ANKS1B: variants seen among roughly 807,000 people sequenced by gnomAD.
ANKS1B encodes ankyrin repeat and sterile alpha motif domain containing 1B, also known as ankyrin repeat and sterile alpha motif domain-containing protein 1B.
In ANKS1B, 36 loss-of-function variants were observed where a neutral mutation model predicts 148.3. The ratio of observed to expected loss-of-function variants is 0.24; its 90% CI spans 0.19 to 0.32. The LOEUF (loss-of-function observed/expected upper bound fraction) is 0.32. Among genes scored for constraint, ANKS1B ranks in the 10% least tolerant of loss-of-function variants. ANKS1B has a pLI of 1.00. For missense variants in ANKS1B, 1,157 were observed against 1,542.6 expected (o/e 0.75, Z 4.19); for synonymous variants, 542 against 560.8 (o/e 0.97, Z 0.47).
chr12:99,975,623 G>C (rs2153837838), intron 1 of ANKS1B, among the ~76,000 whole-genome samples: 1 of 152,224 alleles, frequency 6.6e-6, no homozygotes, highest in South Asian at 2.1e-4. Flanking sequence ...GTCTTCTTTT[G>C]AGAAATGTCT....
rs7138761 is a variant in ANKS1B at position 99,403,203 on chromosome 12, C to G, written c.1576-3392G>C. 7.5e-3 allele frequency among the ~76,000 whole-genome samples: 826 copies of G among 110,578 alleles called. 73 individuals are homozygous for G. The highest frequency in any genetic ancestry group is 0.031 in the African/African-American group (796 of 25,798). The allele number at this position is 110,578 out of a possible 152,430, so 72.5% of individuals were successfully genotyped here. A position where few individuals can be genotyped will look rare whatever the true frequency, so the allele number is the denominator to read the frequency against. On this transcript the variant is annotated intron_variant, in intron 11 of 26. Coordinates refer to ENST00000683438, the MANE Select transcript of ANKS1B (RefSeq NM_001352186.2). Reference sequence around the variant, plus strand: ...TGAGACGGAGTCTCTATCACCCAGGCTGGAGTGCAGTGGCATGATCCCAGC... The same window carrying G: ...TGAGACGGAGTCTCTATCACCCAGGGTGGAGTGCAGTGGCATGATCCCAGC...
At chr12:99,942,552 ATATGAG>A (rs2094946652) in intron 1 of ANKS1B, among the ~76,000 whole-genome samples, 1 of 152,100 alleles carries the variant, frequency 6.6e-6, no homozygotes. Flanking sequence ...AGGAAAGATT[ATATGAG>A]TATGTCTTTT....
chr12:99,424,912 G>T (rs544338722), intron 11 of ANKS1B, among the ~76,000 whole-genome samples: 20 of 151,960 alleles, frequency 1.3e-4, no homozygotes, highest in Non-Finnish European at 2.5e-4. Flanking sequence ...CTCATAGACT[G>T]CTAAGTGTTC....
intron 11 of ANKS1B, among the ~76,000 whole-genome samples, chr12:99,429,836 C>T (rs920591587): frequency 3.3e-5 from 5 of 151,916 alleles, no homozygotes; most frequent in African/African-American, 9.7e-5. Context: ...TGGTGGCAGG[C>T]GCCTGTGGTC....
chr12:98,894,731 G>A (rs1244239495), intron 17 of ANKS1B: 3 of 985,474 alleles, frequency 3.0e-6, no homozygotes, highest in African/African-American at 3.5e-5. Context: ...TCCCCTAGCC[G>A]TTGCCTCTGT....
At chr12:99,129,411 G>T (rs2065407208) in intron 15 of ANKS1B, among the ~76,000 whole-genome samples, 1 of 152,182 alleles carries the variant, frequency 6.6e-6, no homozygotes, top group African/African-American at 2.4e-5. Context: ...AATGGGACAG[G>T]GCCTGTCAGA....
intron 17 of ANKS1B, among the ~76,000 whole-genome samples, chr12:99,000,148 T>C (rs901035917): frequency 6.6e-6 from 1 of 151,450 alleles, no homozygotes; most frequent in Admixed American, 6.6e-5. Flanking sequence ...AAAAAAATAA[T>C]GTACATGAAC....
chr12:99,663,761 A>G (rs1319260763), intron 8 of ANKS1B, among the ~76,000 whole-genome samples: 1 of 152,160 alleles, frequency 6.6e-6, no homozygotes, highest in African/African-American at 2.4e-5. Flanking sequence ...TTGCTATTAA[A>G]GCAATTGTTT....
At chr12:99,798,610 G>A (rs911686213) in intron 4 of ANKS1B, among the ~76,000 whole-genome samples, 30 of 152,054 alleles carry the variant, frequency 2.0e-4, no homozygotes, top group Non-Finnish European at 3.8e-4. Context: ...GTCCAGAGAA[G>A]AGAGTGCCAA....
In ANKS1B at chr12:99,835,662, G is replaced by C. The variant is rs139741985; in HGVS notation, c.135-10273C>G. ...TTACACTTATAGCACATCACAATTA[G>C]GACTAGCCACATTTCAAATGCTTAA... On this transcript the variant is annotated intron_variant, in intron 1 of 26. Coordinates refer to ENST00000683438, the MANE Select transcript of ANKS1B (RefSeq NM_001352186.2). Among the ~76,000 whole-genome samples the C allele has an allele frequency of 7.7e-3, 1,179 of 152,142 alleles. 14 individuals carry two copies. The highest frequency in any genetic ancestry group is 0.027 in the African/African-American group (1,113 of 41,504).
intron 12 of ANKS1B, among the ~76,000 whole-genome samples, chr12:99,327,737 T>A (rs1189736847): frequency 6.6e-6 from 1 of 150,908 alleles, no homozygotes; most frequent in Non-Finnish European, 1.5e-5. Context: ...ATAGATAATA[T>A]TCATTTTAGT....
intron 14 of ANKS1B, among the ~76,000 whole-genome samples, chr12:99,178,097 C>G (rs1473813143): frequency 6.6e-6 from 1 of 152,130 alleles, no homozygotes; most frequent in African/African-American, 2.4e-5. Flanking sequence ...AGAACTTGAA[C>G]AGTTTATCCT....
intron 17 of ANKS1B, among the ~76,000 whole-genome samples, chr12:99,008,335 C>G (rs1454027929): frequency 6.6e-6 from 1 of 151,988 alleles, no homozygotes; most frequent in Non-Finnish European, 1.5e-5. Context: ...CCCTTCTTTC[C>G]TTCCTTTCTT....
chr12:99,163,302 T>G (rs996299578), intron 14 of ANKS1B, among the ~76,000 whole-genome samples: 1 of 152,172 alleles, frequency 6.6e-6, no homozygotes, highest in Non-Finnish European at 1.5e-5. Context: ...ATTGTCAATT[T>G]GCATGAAATG....
chr12:99,646,652 C>CA (rs35481645), intron 9 of ANKS1B, among the ~76,000 whole-genome samples: 2,059 of 35,786 alleles, frequency 0.058, 281 homozygotes, highest in East Asian at 0.19. Flanking sequence ...GACTCCATCT[C>CA]AAAAAAAAAA....
intron 25 of ANKS1B, among the ~76,000 whole-genome samples, chr12:98,761,008 C>G (rs2098393424): frequency 6.6e-6 from 1 of 152,210 alleles, no homozygotes; most frequent in South Asian, 2.1e-4. Flanking sequence ...TAAGTGCCTT[C>G]TGTGGATTGT....
At chr12:98,854,347 T>C (rs200784) in intron 17 of ANKS1B, among the ~76,000 whole-genome samples, 43,127 of 152,144 alleles carry the variant, frequency 0.28, 6,491 homozygotes, top group East Asian at 0.5. Flanking sequence ...GTTTTGGAAA[T>C]GCATTTGTTC....
At chr12:99,668,266 A>C (rs1375473298) in intron 8 of ANKS1B, among the ~76,000 whole-genome samples, 2 of 152,050 alleles carry the variant, frequency 1.3e-5, no homozygotes, top group East Asian at 3.9e-4. Flanking sequence ...TATTGCTACA[A>C]AGTTATTCAT....
At chr12:99,371,924 C>T (rs775558129) in intron 12 of ANKS1B, among the ~76,000 whole-genome samples, 10 of 152,056 alleles carry the variant, frequency 6.6e-5, no homozygotes, top group African/African-American at 2.2e-4. Context: ...CATTTAACTA[C>T]GTTAGTAAAT....
Sources: allele counts gnomAD v4.1 joint callset (sites outside exome capture counted in the v4.1 genomes callset), GRCh38; gene constraint gnomAD v4.1.1; transcripts MANE v1.5; gene names NCBI Gene and HGNC (gene_info 2026-07-23, HGNC 2026-07-21).